REEP3: variants seen among roughly 807,000 people sequenced by gnomAD.
The protein encoded by REEP3 is receptor accessory protein 3.
In REEP3, 20 loss-of-function variants were observed where a neutral mutation model predicts 41.3. The observed-to-expected ratio is 0.48, with a 90% CI of 0.34 to 0.70. The LOEUF (loss-of-function observed/expected upper bound fraction) is 0.70. REEP3 is among the 30% of genes least tolerant of loss of function. The probability of loss-of-function intolerance (pLI) is 0.01; values close to 1 mark genes in which losing one functional copy is unlikely to be tolerated. For synonymous variants in REEP3, 104 were observed against 101.8 expected (o/e 1.02, Z -0.13); for missense variants, 271 against 308.8 (o/e 0.88, Z 0.92).
intron 5 of REEP3, among the ~76,000 whole-genome samples, chr10:63,609,968 C>CA (rs1956265015): frequency 1.3e-5 from 2 of 151,912 alleles, no homozygotes; most frequent in African/African-American, 4.8e-5. Context: ...CTGATGTCTC[C>CA]AACTTACTTT....
At chr10:63,602,659 A>G (rs1185858321) in intron 5 of REEP3, among the ~76,000 whole-genome samples, 2 of 152,166 alleles carry the variant, frequency 1.3e-5, no homozygotes, top group Admixed American at 6.5e-5. Flanking sequence ...GTGAGACACC[A>G]TTGTACATAT....
intron 2 of REEP3, among the ~76,000 whole-genome samples, chr10:63,589,783 A>ATATTTTT (rs1317265731): frequency 1.2e-5 from 1 of 82,574 alleles, no homozygotes; most frequent in Non-Finnish European, 2.6e-5. Flanking sequence ...ACAGCAGAAC[A>ATATTTTT]TCTTTTTTTT....
chr10:63,617,812 CTTT>C (rs60910642), intron 6 of REEP3, among the ~76,000 whole-genome samples: 1,628 of 83,428 alleles, frequency 0.02, 66 homozygotes, highest in African/African-American at 0.067. Flanking sequence ...TCCTTCTACT[CTTT>C]TTTTTTTTTT....
intron 6 of REEP3, among the ~76,000 whole-genome samples, chr10:63,615,352 T>G (rs1160483714): frequency 6.6e-6 from 1 of 152,062 alleles, no homozygotes; most frequent in Non-Finnish European, 1.5e-5. Flanking sequence ...TTTGTTTTTG[T>G]TTTTGTTTTT....
chr10:63,589,783 A>AGCTTTTTT (rs1956041576), intron 2 of REEP3, among the ~76,000 whole-genome samples: 1 of 82,574 alleles, frequency 1.2e-5, no homozygotes, highest in South Asian at 4.0e-4. Context: ...ACAGCAGAAC[A>AGCTTTTTT]TCTTTTTTTT....
intron 2 of REEP3, among the ~76,000 whole-genome samples, chr10:63,590,348 T>C (rs182060247): frequency 6.6e-6 from 1 of 152,344 alleles, no homozygotes; most frequent in East Asian, 1.9e-4. Flanking sequence ...TACAGTTGAA[T>C]CAGTGAGTGT....
chr10:63,579,185 C>T (rs897860953), intron 2 of REEP3, among the ~76,000 whole-genome samples: 9 of 152,046 alleles, frequency 5.9e-5, no homozygotes, highest in African/African-American at 2.4e-5. Context: ...TCACCCACCA[C>T]CACGCCCAGA....
At chr10:63,557,468 C>CA (rs1435276266) in intron 1 of REEP3, among the ~76,000 whole-genome samples, 2 of 152,048 alleles carry the variant, frequency 1.3e-5, no homozygotes, top group African/African-American at 4.8e-5. Flanking sequence ...TGGGAAATGC[C>CA]ACTGTTTCAA....
At chr10:63,523,619 G>T (rs946982408) in intron 1 of REEP3, among the ~76,000 whole-genome samples, 2 of 152,150 alleles carry the variant, frequency 1.3e-5, no homozygotes, top group Non-Finnish European at 2.9e-5. Flanking sequence ...CTGGGCCACA[G>T]AGTGAGACTG....
intron 1 of REEP3, among the ~76,000 whole-genome samples, chr10:63,564,992 T>G (rs984980413): frequency 3.3e-5 from 5 of 152,236 alleles, no homozygotes; most frequent in African/African-American, 1.2e-4. Context: ...GCATGGTGGC[T>G]CATGCCTATA....
At chr10:63,566,510 G>A (rs1391579615) in intron 2 of REEP3, 100 bp downstream of exon 2, 5 of 672,506 alleles carry the variant, frequency 7.4e-6, no homozygotes, top group Non-Finnish European at 7.6e-6. Context: ...TAGTGTTTTG[G>A]GTTAAAAGGT....
chr10:63,586,020 T>C (rs972442756), intron 2 of REEP3, among the ~76,000 whole-genome samples: 1 of 152,242 alleles, frequency 6.6e-6, no homozygotes, highest in African/African-American at 2.4e-5. Context: ...TCTTGTTTTA[T>C]TGAAAATGTT....
intron 5 of REEP3, among the ~76,000 whole-genome samples, chr10:63,605,781 A>T (rs987521894): frequency 6.6e-6 from 1 of 152,164 alleles, no homozygotes; most frequent in Non-Finnish European, 1.5e-5. Context: ...CAGATGTCCT[A>T]GTGCCCTTGG....
intron 2 of REEP3, among the ~76,000 whole-genome samples, chr10:63,590,891 GC>G (rs1956055874): frequency 6.6e-6 from 1 of 152,242 alleles, no homozygotes; most frequent in African/African-American, 2.4e-5. Context: ...TTTCCCAGTA[GC>G]TTAAAAGGTG....
chr10:63,585,154 C>A (rs1246130776), intron 2 of REEP3, among the ~76,000 whole-genome samples: 1 of 152,100 alleles, frequency 6.6e-6, no homozygotes, highest in Admixed American at 6.6e-5. Flanking sequence ...TCAATTCAGA[C>A]CTTAAAATGT....
intron 5 of REEP3, among the ~76,000 whole-genome samples, chr10:63,609,475 C>T (rs1449239799): frequency 6.0e-5 from 9 of 151,036 alleles, no homozygotes; most frequent in Non-Finnish European, 2.9e-5. Flanking sequence ...AAAAGTTGCC[C>T]TTGGCCGGGC....
At chr10:63,559,549 T>C (rs1180340963) in intron 1 of REEP3, among the ~76,000 whole-genome samples, 2 of 152,182 alleles carry the variant, frequency 1.3e-5, no homozygotes, top group Non-Finnish European at 2.9e-5. Flanking sequence ...TCTAGGAAAA[T>C]ATCATTAGGA....
chr10:63,602,441 A>C (rs1956181320), intron 5 of REEP3, among the ~76,000 whole-genome samples: 1 of 152,224 alleles, frequency 6.6e-6, no homozygotes, highest in South Asian at 2.1e-4. Flanking sequence ...ATTTACACCC[A>C]ATGAAGATGC....
intron 2 of REEP3, among the ~76,000 whole-genome samples, chr10:63,582,924 G>T (rs2133390456): frequency 6.6e-6 from 1 of 152,274 alleles, no homozygotes; most frequent in African/African-American, 2.4e-5. Flanking sequence ...CCTTTGAAGA[G>T]AAGTAATTTG....
Sources: allele counts gnomAD v4.1 joint callset (sites outside exome capture counted in the v4.1 genomes callset), GRCh38; gene constraint gnomAD v4.1.1; transcripts MANE v1.5; gene names NCBI Gene and HGNC (gene_info 2026-07-23, HGNC 2026-07-21).